LAMA5: variants seen among roughly 807,000 people sequenced by gnomAD.
LAMA5 encodes laminin subunit alpha 5.
Under a neutral mutation model 433.4 loss-of-function variants are expected in LAMA5, and 260 were observed. The observed-to-expected ratio is 0.60, with a 90% CI of 0.54 to 0.66. The LOEUF is 0.66. Among genes scored for constraint, LAMA5 ranks in the 30% least tolerant of loss-of-function variants. The pLI is 0.00. For synonymous variants in LAMA5, 2,620 were observed against 2,226.6 expected (o/e 1.18, Z -4.97); for missense variants, 5,378 against 5,258.5 (o/e 1.02, Z -0.70).
At chr20:62,354,318 A>T (rs1302541935) in intron 2 of LAMA5, among the ~76,000 whole-genome samples, 1 of 147,446 alleles carries the variant, frequency 6.8e-6, no homozygotes, top group Non-Finnish European at 1.5e-5. Context: ...GCCTCTGATC[A>T]GCCTGGGCTT....
In LAMA5 at chr20:62,327,242, C is replaced by G; in HGVS notation, c.5103G>C (p.Leu1701=). The change falls in exon 38 of 80, where the codon CTG becomes CTC. Residue 1701 remains leucine, a synonymous_variant. Coordinates refer to ENST00000252999, the MANE Select transcript of LAMA5 (RefSeq NM_005560.6). ...ELYWQAPPSY[L]GDRVSSYGGT... ...CTGATGCCCTGCTTACCCGGTCCCC[C>G]AGGTAGGAGGGTGGGGCCTGCCAGT... The G allele has an allele frequency of 6.6e-7, 1 of 1,513,292 alleles. No homozygotes were observed. The highest frequency in any genetic ancestry group is 1.3e-5 in the South Asian group (1 of 75,644). 93.7% of individuals were successfully genotyped at this position (1,513,292 alleles called of 1,614,324 possible).
rs1278228895 is a variant in LAMA5 at position 62,329,871 on chromosome 20, G to A, written c.4025C>T (p.Thr1342Ile). 6.2e-7 allele frequency: 1 copy of A among 1,611,460 alleles called. No individual in the cohort carries two copies. The highest frequency in any genetic ancestry group is 8.5e-7 in the Non-Finnish European group (1 of 1,179,668). ...GGCCTGGCCCTCACACACCACCAGG[G>A]TGCGGCAGCCGTAGCCATGTGGACA... is the stretch of plus-strand genomic sequence containing the variant. ...SFCPHGYGCR[T>I]LVVCEGQALL... The change falls in exon 32 of 80, where the codon ACC becomes ATC. Residue 1342 changes from threonine to isoleucine, a missense_variant. By Grantham distance (89) the Thr-to-Ile change is moderately conservative. Transcript: ENST00000252999.
intron 40 of LAMA5, 41 bp from the exon 41 acceptor site, chr20:62,325,587 T>C (rs750328684): frequency 1.4e-6 from 2 of 1,392,954 alleles, no homozygotes; most frequent in East Asian, 4.6e-5. Context: ...CCACACTCAA[T>C]GGGACAGAAC....
chr20:62,357,626 T>G (rs1248136604), intron 2 of LAMA5, among the ~76,000 whole-genome samples: 3 of 151,786 alleles, frequency 2.0e-5, no homozygotes, highest in Non-Finnish European at 4.4e-5. Context: ...GGACGTGGAG[T>G]GGAAAAGCCG....
Position 62,329,817 on chromosome 20 carries a change from G to A in LAMA5, c.4079C>T (p.Thr1360Ile). The A allele has an allele frequency of 6.2e-7, 1 of 1,612,514 alleles. No homozygotes were observed. Among genetic ancestry groups the A allele is most frequent in the South Asian group, 1.1e-5 (1 of 91,020 alleles). The change falls in exon 32 of 80, where the codon ACT becomes ATT. Residue 1360 changes from threonine to isoleucine, a missense_variant. Transcript: ENST00000252999. ...ALLDVTHSEL[T>I]VTVRVPKGRW... ...GCCCTTGGGCACACGCACGGTCACA[G>A]TGAGCTCGCTGTGGGTCACGTCCAG...
At chr20:62,309,952 G>T (rs781071470) in intron 78 of LAMA5, 36 bp downstream of exon 78, 1 of 1,605,184 alleles carries the variant, frequency 6.2e-7, no homozygotes, top group Non-Finnish European at 8.5e-7. Context: ...GAAGGGTGGG[G>T]GTGGCAGAGT....
In LAMA5 at chr20:62,312,939, T is replaced by C; in HGVS notation, c.9027A>G (p.Lys3009=). The change falls in exon 66 of 80, where the codon AAA becomes AAG. Residue 3009 remains lysine (K), a synonymous_variant. Coordinates refer to ENST00000252999, the MANE Select transcript of LAMA5 (RefSeq NM_005560.6). The part of the protein sequence containing the change: ...VLLYDFGAGL[K]KAVPLQPPPP... ...GTGGGGGCTGCAGTGGGACGGCCTT[T>C]TTCAGGCCAGCCCCAAAGTCATACA... The C allele has an allele frequency of 6.3e-7, 1 of 1,581,200 alleles. No homozygotes were observed. Among genetic ancestry groups the C allele is most frequent in the Non-Finnish European group, 8.6e-7 (1 of 1,161,474 alleles).
At chr20:62,362,657 G>A in intron 1 of LAMA5, 105 bp from the exon 2 acceptor site, 1 of 1,050,490 alleles carries the variant, frequency 9.5e-7, no homozygotes, top group Non-Finnish European at 1.3e-6. Flanking sequence ...CCACTGAGCT[G>A]GTTCCACGCC....
chr20:62,354,522 G>T (rs1470978846), intron 2 of LAMA5, among the ~76,000 whole-genome samples: 1 of 152,032 alleles, frequency 6.6e-6, no homozygotes, highest in Non-Finnish European at 1.5e-5. Flanking sequence ...AAACACCGTG[G>T]GGGTGGCTCC....
At chr20:62,339,387 G>A (rs991562537) in intron 11 of LAMA5, among the ~76,000 whole-genome samples, 4 of 151,756 alleles carry the variant, frequency 2.6e-5, no homozygotes, top group South Asian at 2.1e-4. Flanking sequence ...ACAGGTGCAC[G>A]CTGCCACGCC....
chr20:62,328,442 C>T lies in LAMA5; in HGVS notation c.4451G>A (p.Cys1484Tyr), dbSNP rs895488367. 13 of 1,493,564 alleles carry T rather than the reference C, an allele frequency of 8.7e-6. No homozygotes were observed. The highest frequency in any genetic ancestry group is 2.8e-5 in the African/African-American group (2 of 72,558). The allele number at this position is 1,493,564 out of a possible 1,614,324, so 92.5% of individuals were successfully genotyped here. A position where few individuals can be genotyped will look rare whatever the true frequency, so the allele number is the denominator to read the frequency against. ...GTCACAGAGGCGGGCACCGCAGTCA[C>T]AGGCTGTGGGGCGGGTACAGGGTTT... ...GYWGFPNCRP[C>Y]DCGARLCDEL... Residue 1484 changes from cysteine to tyrosine, a missense_variant, in exon 35 of 80, where the codon TGT (cysteine) becomes TAT (tyrosine). Coordinates refer to ENST00000252999, the MANE Select transcript of LAMA5 (RefSeq NM_005560.6).
In LAMA5 at chr20:62,326,837, C is replaced by T; in HGVS notation, c.5214+28G>A. 3 of 1,603,810 alleles carry T rather than the reference C, an allele frequency of 1.9e-6. No individual in the cohort carries two copies. The South Asian group carries it at 3.3e-5, about 18-fold the overall frequency. ...CCACTGCGCCACGCCCACCCAACCA[C>T]CCTGCCACATCATCTCAGCTCCCTC... On this transcript the variant is annotated intron_variant, in intron 39 of 79. Coordinates refer to ENST00000252999, the MANE Select transcript of LAMA5 (RefSeq NM_005560.6).
Position 62,309,992 on chromosome 20 carries a change from T to G in LAMA5, c.10824A>C (p.Leu3608=). 1 of 1,610,590 alleles carries G rather than the reference T, an allele frequency of 6.2e-7. No individual in the cohort carries two copies. ...SVLCDGQWHR[L]AVMKSGNVLR... is the part of the protein sequence containing the mutation. ...TGGCCACAGGAGGGGCCTCACCCGCTAGCCGGTGCCACTGGCCATCACACA... is the reference window on the plus strand; with the variant it reads ...TGGCCACAGGAGGGGCCTCACCCGCGAGCCGGTGCCACTGGCCATCACACA... The change falls in exon 78 of 80, where the codon CTA becomes CTC. Residue 3608 remains leucine, a synonymous_variant. Coordinates refer to ENST00000252999, the MANE Select transcript of LAMA5 (RefSeq NM_005560.6).
intron 37 of LAMA5, 27 bp from the exon 38 acceptor site, chr20:62,327,433 A>G (rs201145581): frequency 1.1e-4 from 175 of 1,593,122 alleles, no homozygotes; most frequent in Non-Finnish European, 1.4e-4. Flanking sequence ...GTGGCTGCAC[A>G]CGGGTGGATG....
At position 62,334,261 on chromosome 20, in the gene LAMA5, G is replaced by A. The variant is rs199968837; in HGVS notation, c.2664C>T (p.Ala888=). The change falls in exon 22 of 80, where the codon GCC becomes GCT. Residue 888 remains alanine, a synonymous_variant. Coordinates refer to ENST00000252999, the MANE Select transcript of LAMA5 (RefSeq NM_005560.6). ...CGAGGGGGTTGAAGCCAAAGCGCACGGCGTGACCCTCAGGTGTGGCAGCCT... is the reference window on the plus strand; with the variant it reads ...CGAGGGGGTTGAAGCCAAAGCGCACAGCGTGACCCTCAGGTGTGGCAGCCT... The part of the protein sequence containing the change: ...LEEAATPEGH[A]VRFGFNPLEF... 1.1e-4 allele frequency: 176 copies of A among 1,612,778 alleles called. No homozygotes were observed. Among genetic ancestry groups the A allele is most frequent in the Admixed American group, 2.7e-4 (16 of 59,988 alleles).
rs1745363638 is a variant in LAMA5, at chr20:62,324,563, G to A, written c.5530-9C>T. 1.3e-6 allele frequency: 2 copies of A among 1,596,616 alleles called. No individual in the cohort carries two copies. Among genetic ancestry groups the A allele is most frequent in the African/African-American group, 2.7e-5 (2 of 74,644 alleles). ...AAGCCGGGGGCACATTCCTGAGGGT[G>A]TACGGGGGCAGGTGGCATCAGCGAT... is the stretch of plus-strand genomic sequence containing the variant. On this transcript the variant is annotated splice_polypyrimidine_tract_variant and intron_variant, in intron 41 of 79. Transcript: ENST00000252999. The surrounding 1 kb of genome is among the most constrained non-coding windows in gnomAD (Gnocchi z 4.4).
intron 45 of LAMA5, among the ~76,000 whole-genome samples, 164 bp downstream of exon 45, chr20:62,323,292 G>T (rs547305358): frequency 2.0e-5 from 3 of 151,850 alleles, no homozygotes; most frequent in Non-Finnish European, 4.4e-5. Flanking sequence ...CCGGATCATA[G>T]CGGGGGAGAA....
rs1021903815 is a variant in LAMA5, at chr20:62,350,152, C to T, written c.956+1552G>A. On this transcript the variant is annotated intron_variant, in intron 6 of 79. Transcript: ENST00000252999. ...GAGTCAGGGGATGGCAATGTCTTCC[C>T]TGCAGGCCAAGGCAAGCCCCGGCTC... Among the ~76,000 whole-genome samples, 169 of 152,018 alleles carry T rather than the reference C, an allele frequency of 1.1e-3. 1 individual carries two copies. The highest frequency in any genetic ancestry group is 4.7e-4 in the Non-Finnish European group (32 of 67,928).
Position 62,310,831 on chromosome 20 carries a change from TG to T in LAMA5, c.10282-3del. 6.4e-7 allele frequency: 1 copy of T among 1,569,822 alleles called. No individual in the cohort carries two copies. The highest frequency in any genetic ancestry group is 1.8e-5 in the Admixed American group (1 of 54,602). On this transcript the variant is annotated splice_polypyrimidine_tract_variant and splice_region_variant and intron_variant, in intron 74 of 79. Transcript: ENST00000252999. ...GTTCTTCTCCCAGCGCACGGAGACC[TG>T]GGGGCAGGAGATGGGTCAGGGTAGG...
Sources: gnomAD v4.1 joint callset for allele counts (sites outside exome capture counted in the v4.1 genomes callset) on GRCh38, gnomAD v4.1.1 for gene constraint, Gnocchi (gnomAD v3.1) non-coding constraint, MANE v1.5 for transcripts, NCBI Gene and HGNC (gene_info 2026-07-23, HGNC 2026-07-21) for gene names.